PLEKHA5: variants seen among roughly 807,000 people sequenced by gnomAD.
PLEKHA5 encodes the protein pleckstrin homology domain-containing family A member 5.
In PLEKHA5, 55 loss-of-function variants were observed where a neutral mutation model predicts 181.9. The ratio of observed to expected loss-of-function variants is 0.30; its 90% CI spans 0.24 to 0.38. The LOEUF is 0.38. Ranked by LOEUF, PLEKHA5 falls within the 10% of genes least tolerant of loss-of-function variation. PLEKHA5 has a pLI of 1.00. For synonymous variants in PLEKHA5, 535 were observed against 529.4 expected (o/e 1.01, Z -0.15); for missense variants, 1,432 against 1,549.5 (o/e 0.92, Z 1.27).
intron 3 of PLEKHA5, among the ~76,000 whole-genome samples, chr12:19,218,053 T>C (rs2058283714): frequency 6.6e-6 from 1 of 152,206 alleles, no homozygotes; most frequent in South Asian, 2.1e-4. Flanking sequence ...GGGGGCTGGC[T>C]ACCACAGGTG....
At chr12:19,183,508 GATA>G (rs1206796914) in intron 3 of PLEKHA5, among the ~76,000 whole-genome samples, 1 of 152,104 alleles carries the variant, frequency 6.6e-6, no homozygotes, top group Non-Finnish European at 1.5e-5. Context: ...CACAGAAACC[GATA>G]ATAATGAATT....
At chr12:19,203,738 CTT>C (rs1332909028) in intron 3 of PLEKHA5, among the ~76,000 whole-genome samples, 1 of 152,092 alleles carries the variant, frequency 6.6e-6, no homozygotes, top group Admixed American at 6.6e-5. Flanking sequence ...CAGTTGAACT[CTT>C]TTAAAAGCAG....
chr12:19,233,557 A>G (rs543594777), intron 3 of PLEKHA5, among the ~76,000 whole-genome samples: 2 of 152,314 alleles, frequency 1.3e-5, no homozygotes, highest in Admixed American at 1.3e-4. Flanking sequence ...TTGTTTGAAC[A>G]TAAGCCTGTT....
chr12:19,256,906 A>G (rs1032279991), intron 5 of PLEKHA5, among the ~76,000 whole-genome samples: 3 of 152,228 alleles, frequency 2.0e-5, no homozygotes, highest in African/African-American at 7.2e-5. Context: ...TCCATAAAAA[A>G]GAAAACACTA....
chr12:19,318,449 T>A (rs1212515185), intron 16 of PLEKHA5, among the ~76,000 whole-genome samples: 1 of 152,170 alleles, frequency 6.6e-6, no homozygotes, highest in Admixed American at 6.5e-5. Flanking sequence ...AAATAGTATA[T>A]CAATATCCTA....
chr12:19,242,029 C>T (rs940304418), intron 3 of PLEKHA5, among the ~76,000 whole-genome samples: 3 of 152,084 alleles, frequency 2.0e-5, no homozygotes, highest in Non-Finnish European at 2.9e-5. Context: ...AAATTACTTA[C>T]AGGTGAAAGA....
Position 19,336,610 on chromosome 12 carries a change from A to G in PLEKHA5, c.2544A>G (p.Glu848=), listed in dbSNP as rs1338831949. Residue 848 remains glutamate (E), a synonymous_variant, in exon 21 of 32, where the codon GAA becomes GAG. Coordinates refer to ENST00000429027, the MANE Select transcript of PLEKHA5 (RefSeq NM_001256470.2). ...AAGAGCAGCTGGATCACCTTGGTGAAGTTCAGGTACAAAAGTATAATATTC... is the reference window on the plus strand; with the variant it reads ...AAGAGCAGCTGGATCACCTTGGTGAGGTTCAGGTACAAAAGTATAATATTC... ...QMQEQLDHLG[E]VQTESAGIQR... 6.5e-7 allele frequency: 1 copy of G among 1,549,254 alleles called. No homozygotes were observed. Among genetic ancestry groups the G allele is most frequent in the Admixed American group, 1.7e-5 (1 of 59,400 alleles).
In PLEKHA5 at chr12:19,369,723, C is replaced by T. The variant is rs763901565; in HGVS notation, c.3785C>T (p.Ser1262Leu). 266 of 1,611,936 alleles carry T rather than the reference C, an allele frequency of 1.7e-4. No individual in the cohort carries two copies. The highest frequency in any genetic ancestry group is 2.1e-4 in the Non-Finnish European group (247 of 1,178,934). Reference sequence around the variant, plus strand: ...AGTCTGTCCCCATCTCCTGAGTCCTCGGCATCGCCAGTTCCATCCACTCAG... The same window carrying T: ...AGTCTGTCCCCATCTCCTGAGTCCTTGGCATCGCCAGTTCCATCCACTCAG... ...VKSLSPSPES[S>L]ASPVPSTQPQ... The change falls in exon 31 of 32, where the codon TCG (serine) becomes TTG (leucine). Residue 1262 changes from serine to leucine, a missense_variant. Ser to Leu is a moderately radical substitution (Grantham distance 145). This residue lies in a region of PLEKHA5 where 1,143 missense variants were observed against 1,168.4 expected (regional missense o/e 0.98). Coordinates refer to ENST00000429027, the MANE Select transcript of PLEKHA5 (RefSeq NM_001256470.2).
At chr12:19,167,511 A>T (rs1045531954) in intron 3 of PLEKHA5, among the ~76,000 whole-genome samples, 1 of 135,332 alleles carries the variant, frequency 7.4e-6, no homozygotes, top group Non-Finnish European at 1.5e-5. Flanking sequence ...GACAGCTTTC[A>T]GGTTTTGAAA....
intron 6 of PLEKHA5, among the ~76,000 whole-genome samples, chr12:19,260,114 GTC>G (rs772223900): frequency 6.6e-6 from 1 of 152,066 alleles, no homozygotes. Flanking sequence ...CTGCCAAAAA[GTC>G]TCTCTTTTTT....
At chr12:19,250,868 A>C (rs973515807) in intron 3 of PLEKHA5, among the ~76,000 whole-genome samples, 1 of 152,156 alleles carries the variant, frequency 6.6e-6, no homozygotes. Flanking sequence ...CTCTTCATGC[A>C]AAATCTGGAA....
At chr12:19,253,690 G>A (rs1387808853) in intron 3 of PLEKHA5, among the ~76,000 whole-genome samples, 1 of 151,654 alleles carries the variant, frequency 6.6e-6, no homozygotes, top group African/African-American at 2.4e-5. Flanking sequence ...CGTGATGGTG[G>A]GCGCCTATAA....
intron 3 of PLEKHA5, among the ~76,000 whole-genome samples, chr12:19,208,364 G>A (rs1446306659): frequency 6.6e-6 from 1 of 151,492 alleles, no homozygotes; most frequent in Non-Finnish European, 1.5e-5. Context: ...CCGATATCAT[G>A]CCATTGCACC....
At chr12:19,299,382 T>C (rs545071925) in intron 15 of PLEKHA5, among the ~76,000 whole-genome samples, 92 of 152,362 alleles carry the variant, frequency 6.0e-4, no homozygotes, top group African/African-American at 2.2e-3. Flanking sequence ...CTTATGTATA[T>C]GAGATCCCTC....
chr12:19,374,993 G>T (rs1435496829), intron 31 of PLEKHA5, among the ~76,000 whole-genome samples: 1 of 151,640 alleles, frequency 6.6e-6, no homozygotes, highest in Non-Finnish European at 1.5e-5. Context: ...AAGAGAAGGA[G>T]GAGGAGGAGG....
chr12:19,130,032 C>T lies in PLEKHA5; in HGVS notation c.90-19C>T. On this transcript the variant is annotated intron_variant, in intron 1 of 31. Coordinates refer to ENST00000429027, the MANE Select transcript of PLEKHA5 (RefSeq NM_001256470.2). The surrounding 1 kb of genome is among the most constrained non-coding windows in gnomAD (Gnocchi z 4.5). ...TCCCCTCTCACGCTCCGTGTCTGCC[C>T]CTTCTCTCACCCCTGCAGCGAGGAG... is the stretch of plus-strand genomic sequence containing the variant. 6.4e-7 allele frequency: 1 copy of T among 1,568,618 alleles called. No homozygotes were observed. The highest frequency in any genetic ancestry group is 1.2e-5 in the South Asian group (1 of 85,884).
intron 3 of PLEKHA5, among the ~76,000 whole-genome samples, chr12:19,238,023 T>A (rs957796152): frequency 6.6e-6 from 1 of 152,046 alleles, no homozygotes; most frequent in Non-Finnish European, 1.5e-5. Context: ...ATAATTGTTT[T>A]CTTGCATTTT....
intron 11 of PLEKHA5, among the ~76,000 whole-genome samples, chr12:19,281,011 T>C (rs2076003284): frequency 6.6e-6 from 1 of 152,098 alleles, no homozygotes; most frequent in Admixed American, 6.5e-5. Flanking sequence ...ACGCCCAGCC[T>C]AATCTTACTT....
chr12:19,306,237 T>C (rs2083484716), intron 15 of PLEKHA5, among the ~76,000 whole-genome samples: 1 of 152,170 alleles, frequency 6.6e-6, no homozygotes, highest in African/African-American at 2.4e-5. Context: ...TCACCGGCAT[T>C]ATTACCTAAG....
Sources: allele counts gnomAD v4.1 joint callset (sites outside exome capture counted in the v4.1 genomes callset), GRCh38; gene constraint gnomAD v4.1.1; regional missense constraint gnomAD v4.1.1; non-coding constraint Gnocchi (gnomAD v3.1); transcripts MANE v1.5; gene names NCBI Gene and HGNC (gene_info 2026-07-23, HGNC 2026-07-21).